PI4KA: variants seen among roughly 807,000 people sequenced by gnomAD.
PI4KA encodes the protein phosphatidylinositol 4-kinase alpha.
PI4KA carries 122 observed loss-of-function variants against 271.4 expected under a neutral mutation model. The ratio of observed to expected loss-of-function variants is 0.45; its 90% confidence interval spans 0.39 to 0.52. PI4KA has a LOEUF of 0.52. Among genes scored for constraint, PI4KA ranks in the 20% least tolerant of loss-of-function variants. PI4KA has a pLI of 0.00. For missense variants in PI4KA, 1,969 were observed against 2,769.1 expected, an observed-to-expected ratio of 0.71 and a Z score of 6.48; for synonymous variants, 1,041 against 1,078.8, an observed-to-expected ratio of 0.96 and a Z score of 0.69.
chr22:20,763,453 T>C (rs945992314), intron 22 of PI4KA, among the ~76,000 whole-genome samples: 25 of 151,120 alleles, frequency 1.7e-4, no homozygotes, highest in Non-Finnish European at 3.0e-4. Flanking sequence ...TCTTTTTTTT[T>C]TTTTGAGACG....
At chr22:20,822,980 C>G (rs1922909820) in intron 4 of PI4KA, among the ~76,000 whole-genome samples, 1 of 152,188 alleles carries the variant, frequency 6.6e-6, no homozygotes, top group Admixed American at 6.5e-5. Flanking sequence ...ATGGCATGAT[C>G]TCAGCTCACT....
intron 1 of PI4KA, among the ~76,000 whole-genome samples, chr22:20,839,338 C>T (rs969698965): frequency 2.0e-5 from 3 of 152,174 alleles, no homozygotes; most frequent in Non-Finnish European, 4.4e-5. Flanking sequence ...AACAATTGTA[C>T]ACGTGCCCCT....
intron 9 of PI4KA, among the ~76,000 whole-genome samples, chr22:20,810,277 CA>C (rs1416717069): frequency 7.2e-5 from 11 of 152,056 alleles, no homozygotes; most frequent in Admixed American, 3.9e-4. Context: ...GAGGCAGAGG[CA>C]GGCAGATCAC....
At chr22:20,732,405 G>A (rs1928182139) in intron 36 of PI4KA, among the ~76,000 whole-genome samples, 1 of 152,108 alleles carries the variant, frequency 6.6e-6, no homozygotes, top group African/African-American at 2.4e-5. Context: ...TCTTTGCGTG[G>A]CATGTTTTCA....
At chr22:20,742,789 C>A in intron 30 of PI4KA, 25 bp from the exon 31 acceptor site, 1 of 1,612,712 alleles carries the variant, frequency 6.2e-7, no homozygotes, top group Non-Finnish European at 8.5e-7. Flanking sequence ...TCATCAGCAA[C>A]TAAGCATATA....
At position 20,804,322 on chromosome 22, in the gene PI4KA, G is replaced by C; in HGVS notation, c.1439C>G (p.Pro480Arg). ...GACCTGCAGACAGCAGATCAGCAGG[G>C]GCAAGTGAGCAATAATGACTTTGCT... The part of the protein sequence containing the change: ...TSSKVIIAHL[P>R]LLICCLQGLG... Residue 480 changes from proline (P) to arginine (R), a missense_variant, in exon 12 of 55, where the codon CCC becomes CGC. By Grantham distance (103) the Pro-to-Arg change is moderately radical. Transcript: ENST00000255882. The C allele has an allele frequency of 6.2e-7, 1 of 1,613,462 alleles. No homozygotes were observed.
rs1013749488 is a variant in PI4KA, at chr22:20,729,804, C to T, written c.4408+88G>A. 3.8e-6 allele frequency: 6 copies of T among 1,589,454 alleles called. No individual in the cohort carries two copies. The African/African-American group carries it at 8.1e-5, about 21-fold the overall frequency. ...TAGAGGAAGCTTGCAGTGCTCTGTT[C>T]TGCTGTCTGAGCAAGTGTCCATCAA... On this transcript the variant is annotated intron_variant, in intron 37 of 54. Transcript: ENST00000255882.
intron 29 of PI4KA, among the ~76,000 whole-genome samples, chr22:20,745,523 G>A (rs1037915683): frequency 6.6e-6 from 1 of 152,108 alleles, no homozygotes. Context: ...ACCAGGAGAA[G>A]AAAATACAGA....
At chr22:20,729,096 A>C (rs537186721) in intron 39 of PI4KA, among the ~76,000 whole-genome samples, 22 of 152,252 alleles carry the variant, frequency 1.4e-4, no homozygotes, top group African/African-American at 5.1e-4. Context: ...CTGCTGCAGC[A>C]CCCCAGGCAG....
chr22:20,798,732 TG>T, intron 16 of PI4KA, 45 bp from the exon 17 acceptor site: 1 of 1,254,152 alleles, frequency 8.0e-7, no homozygotes, highest in African/African-American at 1.5e-5. Flanking sequence ...GATGCCCTCA[TG>T]AGGCCCCTCC....
intron 19 of PI4KA, among the ~76,000 whole-genome samples, chr22:20,767,034 C>T (rs1268404034): frequency 6.6e-6 from 1 of 152,022 alleles, no homozygotes; most frequent in Non-Finnish European, 1.5e-5. Context: ...GAAATCTATC[C>T]AAAAAATGTT....
intron 3 of PI4KA, among the ~76,000 whole-genome samples, chr22:20,833,183 T>C (rs1794929797): frequency 6.6e-6 from 1 of 152,164 alleles, no homozygotes; most frequent in Non-Finnish European, 1.5e-5. Context: ...TCCTGGGCTA[T>C]GTCCTCCAAC....
intron 4 of PI4KA, among the ~76,000 whole-genome samples, chr22:20,820,844 C>T (rs1196004258): frequency 6.6e-6 from 1 of 152,228 alleles, no homozygotes; most frequent in Non-Finnish European, 1.5e-5. Context: ...ATGTTGTCCT[C>T]CTGGGGCTTG....
Position 20,818,551 on chromosome 22 carries a change from T to C in PI4KA, c.790-2A>G. The C allele has an allele frequency of 6.5e-7, 1 of 1,535,730 alleles. No individual in the cohort carries two copies. The highest frequency in any genetic ancestry group is 8.7e-7 in the Non-Finnish European group (1 of 1,150,998). On this transcript the variant is annotated splice_acceptor_variant, in intron 6 of 54. Transcript: ENST00000255882. LOFTEE classifies it high-confidence loss of function. The stretch of plus-strand genomic sequence containing the variant: ...GGGCATGCCGCGTTCAGGGCTGACC[T>C]GAAACACACAACCACAGTTACATAT...
chr22:20,795,154 A>G (rs1934903948), intron 18 of PI4KA, among the ~76,000 whole-genome samples: 1 of 151,938 alleles, frequency 6.6e-6, no homozygotes, highest in Non-Finnish European at 1.5e-5. Flanking sequence ...TCAATCTTTT[A>G]TTTTTTAATT....
chr22:20,767,296 T>C (rs913808086), intron 19 of PI4KA, among the ~76,000 whole-genome samples: 2 of 151,768 alleles, frequency 1.3e-5, no homozygotes, highest in Non-Finnish European at 2.9e-5. Flanking sequence ...ACAAAAACAT[T>C]AGCCGGGCGT....
rs761886095 is a variant in PI4KA, at chr22:20,712,643, G to A, written c.5677-32C>T. On this transcript the variant is annotated intron_variant, in intron 49 of 54. Coordinates refer to ENST00000255882, the MANE Select transcript of PI4KA (RefSeq NM_058004.4). ...GGAAAGGCCAGTTCTGAGGCCCGCT[G>A]GGTGCGAGGTGCCCAGGGCTGCCCT... is the stretch of plus-strand genomic sequence containing the variant. 6 of 1,556,018 alleles carry A rather than the reference G, an allele frequency of 3.9e-6. No individual in the cohort carries two copies. The African/African-American group carries it at 4.1e-5, about 11-fold the overall frequency.
At chr22:20,836,033 CAG>C (rs897707720) in intron 2 of PI4KA, among the ~76,000 whole-genome samples, 1 of 150,066 alleles carries the variant, frequency 6.7e-6, no homozygotes, top group African/African-American at 2.5e-5. Flanking sequence ...GCCTGGGCGA[CAG>C]AGAGAGACTC....
intron 19 of PI4KA, chr22:20,787,737 C>T (rs563001465): frequency 2.8e-4 from 43 of 154,552 alleles, no homozygotes; most frequent in African/African-American, 1.0e-3. Context: ...TTATAATTCT[C>T]TATTTTTTGA....
Sources: allele counts gnomAD v4.1 joint callset (sites outside exome capture counted in the v4.1 genomes callset), GRCh38; gene constraint gnomAD v4.1.1; transcripts MANE v1.5; gene names NCBI Gene and HGNC (gene_info 2026-07-23, HGNC 2026-07-21).